The following COL28A1 variants were observed in gnomAD, a reference collection of about 807,000 sequenced individuals.
The protein encoded by COL28A1 is collagen type XXVIII alpha 1 chain, also known as collagen alpha-1(XXVIII) chain.
A neutral mutation model predicts 150.2 loss-of-function variants in COL28A1; 161 were observed. The observed-to-expected ratio is 1.07, with a 90% confidence interval of 0.94 to 1.22. COL28A1 has a LOEUF of 1.22. COL28A1 is among the 50% of genes most tolerant of loss of function. The probability of loss-of-function intolerance (pLI) is 0.00; values close to 1 mark genes in which losing one functional copy is unlikely to be tolerated. For missense variants in COL28A1, 1,617 were observed against 1,388.3 expected, an observed-to-expected ratio of 1.16 and a Z score of -2.62; for synonymous variants, 552 against 469.7, an observed-to-expected ratio of 1.18 and a Z score of -2.26.
intron 18 of COL28A1, among the ~76,000 whole-genome samples, chr7:7,450,438 G>A (rs914055380): frequency 2.0e-4 from 30 of 152,130 alleles, no homozygotes; most frequent in African/African-American, 7.2e-4. Context: ...ATACTAAGAA[G>A]TACTCTAAGT....
chr7:7,489,249 G>A (rs12671912), intron 13 of COL28A1, 140 bp downstream of exon 13: 408,255 of 614,822 alleles, frequency 0.66, 142,741 homozygotes, highest in East Asian at 0.81. Context: ...CAGCCTGGGT[G>A]ACAGTGAGAT....
At chr7:7,491,819 C>A (rs1278304641) in intron 11 of COL28A1, among the ~76,000 whole-genome samples, 4 of 152,142 alleles carry the variant, frequency 2.6e-5, no homozygotes, top group Non-Finnish European at 2.9e-5. Flanking sequence ...ACCCCAATTA[C>A]CCATTTCATA....
chr7:7,430,686 T>C (rs1784911375), intron 25 of COL28A1, among the ~76,000 whole-genome samples: 1 of 152,228 alleles, frequency 6.6e-6, no homozygotes, highest in Non-Finnish European at 1.5e-5. Context: ...ATATTCAATA[T>C]ACAAGTTTTT....
At chr7:7,539,861 G>T (rs1301769122), upstream of COL28A1, among the ~76,000 whole-genome samples, 1 of 152,044 alleles carries the variant, frequency 6.6e-6, no homozygotes. Flanking sequence ...AAGATCTCTT[G>T]CTTCATTATT....
At chr7:7,390,349 A>C (rs936985180) in intron 27 of COL28A1, among the ~76,000 whole-genome samples, 4 of 152,116 alleles carry the variant, frequency 2.6e-5, no homozygotes, top group Admixed American at 2.6e-4. Flanking sequence ...AGCCAACTTG[A>C]TCGTGGTGGT....
At chr7:7,443,922 C>T (rs866659070) in intron 19 of COL28A1, among the ~76,000 whole-genome samples, 39 of 151,118 alleles carry the variant, frequency 2.6e-4, no homozygotes, top group African/African-American at 9.0e-4. Context: ...TTTCTTTTGG[C>T]TCTTCATTCG....
At chr7:7,348,184 C>G in the COL28A1 span, among the ~76,000 whole-genome samples, 1 of 152,024 alleles carries the variant, frequency 6.6e-6, no homozygotes, top group Non-Finnish European at 1.5e-5. Flanking sequence ...ATGCCGTTAA[C>G]TAAGACGAGG....
chr7:7,454,024 T>C (rs1457220125), intron 16 of COL28A1, among the ~76,000 whole-genome samples: 1 of 152,178 alleles, frequency 6.6e-6, no homozygotes, highest in East Asian at 1.9e-4. Flanking sequence ...TGAAGAAGGT[T>C]CAAACACTTG....
intron 11 of COL28A1, among the ~76,000 whole-genome samples, chr7:7,492,449 G>A (rs1464749468): frequency 2.6e-5 from 4 of 151,460 alleles, no homozygotes; most frequent in Non-Finnish European, 5.9e-5. Context: ...GCTGGGCCTG[G>A]TGGCATGTGC....
Position 7,358,415 on chromosome 7 carries a change from A to G in COL28A1, c.*218T>C, listed in dbSNP as rs114924592. On this transcript the variant is annotated 3_prime_UTR_variant, in exon 35 of 35. Coordinates refer to ENST00000399429, the MANE Select transcript of COL28A1 (RefSeq NM_001037763.3). ...AGCTCTGAAACTTTTTAGTTGGGTG[A>G]CAGTTGACAAGTTACTAAACTTCTC... 1,609 of 438,898 alleles carry G rather than the reference A, an allele frequency of 3.7e-3. 21 individuals carry two copies. The highest frequency in any genetic ancestry group is 0.03 in the African/African-American group (1,462 of 49,268). The allele number at this position is 438,898 out of a possible 1,614,324, so 27.2% of individuals were successfully genotyped here. A position where few individuals can be genotyped will look rare whatever the true frequency, so the allele number is the denominator to read the frequency against.
At chr7:7,340,204 C>A in the COL28A1 span, among the ~76,000 whole-genome samples, 6 of 152,016 alleles carry the variant, frequency 3.9e-5, no homozygotes, top group African/African-American at 1.5e-4. Context: ...GTAGCATGAG[C>A]TACCATGCCC....
intron 11 of COL28A1, among the ~76,000 whole-genome samples, chr7:7,492,995 A>AAT (rs1202732890): frequency 6.8e-5 from 10 of 148,004 alleles, no homozygotes; most frequent in Non-Finnish European, 1.2e-4. Context: ...CCTGTTATAT[A>AAT]ATATATATAC....
chr7:7,398,207 C>G (rs1024960154), intron 27 of COL28A1, among the ~76,000 whole-genome samples: 1 of 152,194 alleles, frequency 6.6e-6, no homozygotes, highest in African/African-American at 2.4e-5. Flanking sequence ...AGAGGCCATT[C>G]TTCTGATAGT....
At chr7:7,420,341 T>C (rs1218255519) in intron 25 of COL28A1, 1 of 153,362 alleles carries the variant, frequency 6.5e-6, no homozygotes, top group Non-Finnish European at 1.5e-5. Context: ...GCTATTTGAG[T>C]TATGATGTTT....
At chr7:7,537,409 A>AT (rs546771472), upstream of COL28A1, among the ~76,000 whole-genome samples, 12 of 152,076 alleles carry the variant, frequency 7.9e-5, no homozygotes, top group Admixed American at 5.9e-4. Context: ...CAGGAATTGA[A>AT]TTTTTTTTCT....
At chr7:7,395,964 A>T (rs1782811503) in intron 27 of COL28A1, among the ~76,000 whole-genome samples, 1 of 152,208 alleles carries the variant, frequency 6.6e-6, no homozygotes, top group Non-Finnish European at 1.5e-5. Context: ...TGGGTTAATA[A>T]CAGTTAACAA....
intron 6 of COL28A1, among the ~76,000 whole-genome samples, chr7:7,518,702 G>A (rs1486017641): frequency 6.6e-6 from 1 of 152,068 alleles, no homozygotes; most frequent in African/African-American, 2.4e-5. Flanking sequence ...TAATATTGCT[G>A]TGTTAATTGC....
chr7:7,358,461 T>A lies in COL28A1; in HGVS notation c.*172A>T. ...TTCTCAGAGCCTCAGCTTTCTTACC[T>A]ATATAAGTGGTTAATAATATGTACA... On this transcript the variant is annotated 3_prime_UTR_variant, in exon 35 of 35. Transcript: ENST00000399429. 1 of 558,450 alleles carries A rather than the reference T, an allele frequency of 1.8e-6. No homozygotes were observed. The highest frequency in any genetic ancestry group is 3.2e-5 in the East Asian group (1 of 31,186). 34.6% of individuals were successfully genotyped at this position (558,450 alleles called of 1,614,324 possible). A position where few individuals can be genotyped will look rare whatever the true frequency, so the allele number is the denominator to read the frequency against.
At chr7:7,392,177 T>C (rs1350603201) in intron 27 of COL28A1, among the ~76,000 whole-genome samples, 1 of 152,220 alleles carries the variant, frequency 6.6e-6, no homozygotes, top group South Asian at 2.1e-4. Context: ...GGCCCAGTGG[T>C]GACAAAATCT....
Sources: gnomAD v4.1 joint callset for allele counts (sites outside exome capture counted in the v4.1 genomes callset) on GRCh38, gnomAD v4.1.1 for gene constraint, MANE v1.5 for transcripts, NCBI Gene and HGNC (gene_info 2026-07-23, HGNC 2026-07-21) for gene names.